Variants in SNX2 observed in about 807,000 individuals in gnomAD.
SNX2 encodes the protein sorting nexin 2.
Under a neutral mutation model 69.9 loss-of-function variants are expected in SNX2, and 25 were observed. The observed-to-expected ratio is 0.36, with a 90% confidence interval of 0.26 to 0.50. The LOEUF (loss-of-function observed/expected upper bound fraction) is 0.50. Ranked by LOEUF, SNX2 falls within the 20% of genes least tolerant of loss-of-function variation. The pLI is 0.97. For synonymous variants in SNX2, 229 were observed against 200.4 expected, an observed-to-expected ratio of 1.14 and a Z score of -1.20; for missense variants, 551 against 613.3, an observed-to-expected ratio of 0.90 and a Z score of 1.07.
At position 122,827,391 on chromosome 5, in the gene SNX2, G is replaced by A. The variant is rs745858910; in HGVS notation, c.1369G>A (p.Val457Met). 5 of 1,613,214 alleles carry A rather than the reference G, an allele frequency of 3.1e-6. No homozygotes were observed. Among genetic ancestry groups the A allele is most frequent in the Non-Finnish European group, 3.4e-6 (4 of 1,179,496 alleles). The change falls in exon 13 of 15, where the codon GTG becomes ATG. Residue 457 changes from valine (V) to methionine (M), a missense_variant. Physicochemically the swap from Val to Met is conservative, Grantham distance 21 (BLOSUM62 1). Transcript: ENST00000379516. ...KNEIREWEAKVQQGERDFEQI... is the reference protein window; with the variant it reads ...KNEIREWEAKMQQGERDFEQI... ...TTGTTTTTATTAGTGGGAGGCGAAA[G>A]TGCAACAAGGGGAAAGAGATTTTGA...
intron 1 of SNX2, among the ~76,000 whole-genome samples, chr5:122,789,442 T>TACACACACACACATACAC (rs1753170060): frequency 1.4e-5 from 2 of 141,554 alleles, no homozygotes; most frequent in African/African-American, 5.3e-5. Flanking sequence ...CACACACACA[T>TACACACACACACATACAC]ACACACACAC....
intron 5 of SNX2, among the ~76,000 whole-genome samples, chr5:122,802,596 G>A (rs1022699462): frequency 1.3e-5 from 2 of 152,148 alleles, no homozygotes; most frequent in Non-Finnish European, 2.9e-5. Context: ...AGAAGAGTGT[G>A]GCACAAGTAG....
intron 11 of SNX2, among the ~76,000 whole-genome samples, chr5:122,821,384 A>G (rs1031656917): frequency 1.3e-5 from 2 of 151,370 alleles, no homozygotes; most frequent in Non-Finnish European, 2.9e-5. Flanking sequence ...TACTGTGTGT[A>G]GTGTTCTTTG....
chr5:122,789,768 G>C lies in SNX2; in HGVS notation c.109-5498G>C, dbSNP rs188159756. On this transcript the variant is annotated intron_variant, in intron 1 of 14. Transcript: ENST00000379516. ...TACCATTGCACAGGTCTGTGACTGA[G>C]GCCCACTTTCAGGACAAAACTATTA... Among the ~76,000 whole-genome samples the C allele has an allele frequency of 3.7e-3, 559 of 152,302 alleles. 4 individuals carry two copies. The highest frequency in any genetic ancestry group is 0.012 in the African/African-American group (516 of 41,554).
intron 14 of SNX2, 63 bp from the exon 15 acceptor site, chr5:122,829,535 A>C (rs897969214): frequency 4.6e-6 from 6 of 1,297,620 alleles, no homozygotes; most frequent in African/African-American, 2.9e-5. Flanking sequence ...GCTGTACAGG[A>C]TATATGCATA....
upstream of SNX2, chr5:122,775,039 A>C: frequency 5.5e-6 from 8 of 1,457,116 alleles, no homozygotes; most frequent in Non-Finnish European, 7.3e-6. Flanking sequence ...GCGCGGGCCC[A>C]GCCGTGCGTG....
rs761794122 is a variant in SNX2, at chr5:122,827,577, A to G, written c.1440A>G (p.Lys480=). The change falls in exon 14 of 15, where the codon AAA becomes AAG. Residue 480 remains lysine (K), a splice_region_variant and synonymous_variant. Coordinates refer to ENST00000379516, the MANE Select transcript of SNX2 (RefSeq NM_003100.4). ...CTTTTTAAAATGTACTTCAACAGAA[A>G]GAACGAGTGAAGGATTTTAAAACCG... The part of the protein sequence containing the change: ...TIRKEVGRFE[K]ERVKDFKTVI... 9 of 1,612,884 alleles carry G rather than the reference A, an allele frequency of 5.6e-6. No individual in the cohort carries two copies. The Admixed American group carries it at 8.3e-5, about 15-fold the overall frequency.
At chr5:122,819,084 C>T in intron 11 of SNX2, 61 bp downstream of exon 11, 3 of 1,339,450 alleles carry the variant, frequency 2.2e-6, no homozygotes, top group Non-Finnish European at 2.1e-6. Context: ...ATTTTGTTTC[C>T]TATTAATTAT....
chr5:122,788,330 C>T (rs1320868742), intron 1 of SNX2, among the ~76,000 whole-genome samples: 3 of 152,164 alleles, frequency 2.0e-5, no homozygotes, highest in African/African-American at 7.2e-5. Context: ...CCATTTTCAG[C>T]AGTTTGAATC....
intron 8 of SNX2, among the ~76,000 whole-genome samples, chr5:122,816,526 A>G (rs1753903323): frequency 6.6e-6 from 1 of 152,182 alleles, no homozygotes; most frequent in Non-Finnish European, 1.5e-5. Flanking sequence ...ACACAAAGCT[A>G]ACTGAGCATA....
chr5:122,825,126 G>T lies in SNX2; in HGVS notation c.1213-924G>T, dbSNP rs114363285. Reference sequence around the variant, plus strand: ...GAACATGTATTTTTACTGCTTCATGGTTCAAAAAGTTTTTTATTTGGAATA... The same window carrying T: ...GAACATGTATTTTTACTGCTTCATGTTTCAAAAAGTTTTTTATTTGGAATA... On this transcript the variant is annotated intron_variant, in intron 11 of 14. Transcript: ENST00000379516. 7.3e-3 allele frequency among the ~76,000 whole-genome samples: 1,106 copies of T among 152,102 alleles called. 16 individuals are homozygous for T. The highest frequency in any genetic ancestry group is 0.025 in the African/African-American group (1,055 of 41,504).
At chr5:122,797,308 T>A (rs1337818313) in intron 2 of SNX2, among the ~76,000 whole-genome samples, 1 of 152,226 alleles carries the variant, frequency 6.6e-6, no homozygotes, top group Non-Finnish European at 1.5e-5. Flanking sequence ...TATCAGTGTT[T>A]GTTTTAAAAA....
chr5:122,826,429 T>C (rs1377772180), intron 12 of SNX2, among the ~76,000 whole-genome samples: 1 of 152,052 alleles, frequency 6.6e-6, no homozygotes, highest in African/African-American at 2.4e-5. Flanking sequence ...AATTAACCTT[T>C]ACATTAATAA....
intron 11 of SNX2, among the ~76,000 whole-genome samples, chr5:122,820,147 A>T (rs1257875224): frequency 6.6e-6 from 1 of 152,180 alleles, no homozygotes; most frequent in African/African-American, 2.4e-5. Context: ...CTCACTTCTT[A>T]CCAGAGCACC....
intron 1 of SNX2, among the ~76,000 whole-genome samples, chr5:122,780,961 A>T (rs1752967857): frequency 6.6e-6 from 1 of 152,154 alleles, no homozygotes; most frequent in Non-Finnish European, 1.5e-5. Flanking sequence ...TATGTTTCAG[A>T]GGGAAAAATT....
At chr5:122,787,938 TAA>T (rs1313024939) in intron 1 of SNX2, among the ~76,000 whole-genome samples, 17 of 152,224 alleles carry the variant, frequency 1.1e-4, no homozygotes, top group Non-Finnish European at 1.9e-4. Flanking sequence ...TTAAAGAACT[TAA>T]GAGGAAAAAA....
chr5:122,792,644 T>A (rs540417704), intron 1 of SNX2, among the ~76,000 whole-genome samples: 2 of 151,568 alleles, frequency 1.3e-5, no homozygotes, highest in African/African-American at 4.8e-5. Context: ...AAAATATTGA[T>A]ACAATTTGCC....
At chr5:122,776,672 T>C (rs1420015496) in intron 1 of SNX2, among the ~76,000 whole-genome samples, 1 of 152,220 alleles carries the variant, frequency 6.6e-6, no homozygotes, top group African/African-American at 2.4e-5. Context: ...TGCAGGATCC[T>C]AAGACCTGTA....
chr5:122,802,106 A>T lies in SNX2; in HGVS notation c.483A>T (p.Ala161=). Residue 161 remains alanine, a synonymous_variant, in exon 5 of 15, where the codon GCA becomes GCT. Transcript: ENST00000379516. ...GTGATGGCATGAATGCCTATATGGC[A>T]TATAGAGTAACAACAAAGGTGAGCT... ...KVGDGMNAYM[A]YRVTTKTSLS... is the part of the protein sequence containing the mutation. 6.2e-7 allele frequency: 1 copy of T among 1,613,890 alleles called. No homozygotes were observed. The highest frequency in any genetic ancestry group is 8.5e-7 in the Non-Finnish European group (1 of 1,179,846).
Sources: allele counts gnomAD v4.1 joint callset (sites outside exome capture counted in the v4.1 genomes callset), GRCh38; gene constraint gnomAD v4.1.1; transcripts MANE v1.5; gene names NCBI Gene and HGNC (gene_info 2026-07-23, HGNC 2026-07-21).